MTUS2: variants seen among roughly 807,000 people sequenced by gnomAD.
The protein encoded by MTUS2 is microtubule associated scaffold protein 2.
A neutral mutation model predicts 114.1 loss-of-function variants in MTUS2; 40 were observed. The observed-to-expected ratio is 0.35, with a 90% CI of 0.27 to 0.46. The LOEUF is 0.46. Ranked by LOEUF, MTUS2 falls within the 20% of genes least tolerant of loss-of-function variation. The probability of loss-of-function intolerance (pLI) is 1.00; values close to 1 mark genes in which losing one functional copy is unlikely to be tolerated. For missense variants in MTUS2, 1,679 were observed against 1,705.4 expected (o/e 0.98, Z 0.27); for synonymous variants, 688 against 672.0 (o/e 1.02, Z -0.37).
intron 5 of MTUS2, among the ~76,000 whole-genome samples, chr13:29,195,584 A>C (rs1415555901): frequency 6.7e-6 from 1 of 149,168 alleles, no homozygotes; most frequent in Non-Finnish European, 1.5e-5. Context: ...TCAGTACATC[A>C]CAGTCCTTCC....
intron 2 of MTUS2, among the ~76,000 whole-genome samples, chr13:28,900,913 G>C (rs2137958777): frequency 6.6e-6 from 1 of 152,266 alleles, no homozygotes; most frequent in African/African-American, 2.4e-5. Flanking sequence ...TAAGACTGCA[G>C]TTTCTCAGTA....
At chr13:29,218,164 C>G (rs965723636) in intron 5 of MTUS2, among the ~76,000 whole-genome samples, 2 of 151,978 alleles carry the variant, frequency 1.3e-5, no homozygotes, top group Non-Finnish European at 2.9e-5. Flanking sequence ...AAAAAAACAC[C>G]TAAAAACCCC....
At chr13:29,033,148 G>T (rs1184910368) in intron 3 of MTUS2, among the ~76,000 whole-genome samples, 1 of 152,152 alleles carries the variant, frequency 6.6e-6, no homozygotes, top group African/African-American at 2.4e-5. Flanking sequence ...ATTGACTTTA[G>T]CTATGTGCTA....
In MTUS2 at chr13:28,868,791, A is replaced by G. The variant is rs901172013; in HGVS notation, c.-243+28941A>G. The stretch of plus-strand genomic sequence containing the variant: ...CTATCAGTCCTTTAGAAATGGAATA[A>G]ATTCAGTTTTATATAAGGTCCCTAT... On this transcript the variant is annotated intron_variant, in intron 2 of 15. Transcript: ENST00000612955. 3.3e-5 allele frequency among the ~76,000 whole-genome samples: 5 copies of G among 152,338 alleles called. 1 individual carries two copies. In the South Asian group the frequency reaches 8.3e-4, roughly 25 times the overall value.
chr13:29,485,264 G>C (rs1282018100), intron 10 of MTUS2: 1 of 152,688 alleles, frequency 6.5e-6, no homozygotes, highest in Non-Finnish European at 1.5e-5. Flanking sequence ...GGTCCTCTCA[G>C]GCTGGGAATT....
intron 8 of MTUS2, among the ~76,000 whole-genome samples, chr13:29,422,393 G>A (rs1040263237): frequency 1.2e-4 from 18 of 151,814 alleles, no homozygotes; most frequent in Admixed American, 3.9e-4. Flanking sequence ...TGCACAAGCC[G>A]TTAAGCACAG....
chr13:29,464,627 G>A (rs1308489548), intron 9 of MTUS2, among the ~76,000 whole-genome samples: 1 of 152,158 alleles, frequency 6.6e-6, no homozygotes, highest in African/African-American at 2.4e-5. Context: ...GGGCAGCAGC[G>A]TTACTATACC....
chr13:28,882,734 C>T (rs1172388248), intron 2 of MTUS2, among the ~76,000 whole-genome samples: 1 of 152,002 alleles, frequency 6.6e-6, no homozygotes, highest in Non-Finnish European at 1.5e-5. Context: ...GAGATCCTGT[C>T]TCTAAAAAAT....
chr13:29,367,772 A>G (rs1377250187), intron 8 of MTUS2, among the ~76,000 whole-genome samples: 4 of 152,002 alleles, frequency 2.6e-5, no homozygotes, highest in African/African-American at 9.7e-5. Context: ...GAACCTAGGA[A>G]TTATGTGCAT....
chr13:29,054,176 C>A (rs887448651), intron 4 of MTUS2, among the ~76,000 whole-genome samples: 2 of 152,088 alleles, frequency 1.3e-5, no homozygotes, highest in Non-Finnish European at 2.9e-5. Flanking sequence ...TGATGTTGAA[C>A]AGCTTTTTTT....
intron 4 of MTUS2, among the ~76,000 whole-genome samples, chr13:29,050,349 C>T (rs1412482208): frequency 6.6e-6 from 1 of 152,110 alleles, no homozygotes; most frequent in African/African-American, 2.4e-5. Flanking sequence ...TCAACAGAGA[C>T]ATTTAAGAAG....
At chr13:28,838,102 G>C (rs1336376530) in intron 1 of MTUS2, among the ~76,000 whole-genome samples, 1 of 152,182 alleles carries the variant, frequency 6.6e-6, no homozygotes, top group Non-Finnish European at 1.5e-5. Flanking sequence ...TAGGGAAAGA[G>C]AAATGGGTGG....
At chr13:28,898,215 C>G (rs570483933) in intron 2 of MTUS2, among the ~76,000 whole-genome samples, 1 of 152,252 alleles carries the variant, frequency 6.6e-6, no homozygotes, top group Admixed American at 6.5e-5. Context: ...GACAGAAGAG[C>G]TTTAAACCAA....
At chr13:28,982,923 C>G (rs1884423662) in intron 2 of MTUS2, among the ~76,000 whole-genome samples, 1 of 152,040 alleles carries the variant, frequency 6.6e-6, no homozygotes, top group Non-Finnish European at 1.5e-5. Context: ...TTTAATTTTG[C>G]AAGGTGAAAA....
chr13:29,028,423 C>T (rs749331426), intron 3 of MTUS2, among the ~76,000 whole-genome samples: 4 of 152,098 alleles, frequency 2.6e-5, no homozygotes, highest in Admixed American at 6.5e-5. Context: ...GGAACACAAG[C>T]TGGAGCCTGT....
rs145315381 is a variant in MTUS2 at position 29,391,738 on chromosome 13, A to C, written c.3117+32265A>C. 6.1e-3 allele frequency among the ~76,000 whole-genome samples: 929 copies of C among 152,266 alleles called. 7 individuals carry two copies. Among genetic ancestry groups the C allele is most frequent in the African/African-American group, 0.021 (885 of 41,540 alleles). On this transcript the variant is annotated intron_variant, in intron 8 of 15. Coordinates refer to ENST00000612955, the MANE Select transcript of MTUS2 (RefSeq NM_001033602.4). ...AAACTAAACATAAATACACAACAAAAGCTACGATTAAAAGCTACGATTTTA... is the reference window on the plus strand; with the variant it reads ...AAACTAAACATAAATACACAACAAACGCTACGATTAAAAGCTACGATTTTA...
chr13:28,824,812 C>T (rs2137926548), intron 1 of MTUS2, among the ~76,000 whole-genome samples: 1 of 152,206 alleles, frequency 6.6e-6, no homozygotes, highest in South Asian at 2.1e-4. Flanking sequence ...TGGAATGAAT[C>T]AGATGAGGTT....
At chr13:29,267,213 A>T (rs1266962501) in intron 5 of MTUS2, among the ~76,000 whole-genome samples, 2 of 152,202 alleles carry the variant, frequency 1.3e-5, no homozygotes, top group Non-Finnish European at 2.9e-5. Context: ...AATGATTCTG[A>T]TGCTTTGTTT....
intron 8 of MTUS2, among the ~76,000 whole-genome samples, chr13:29,436,775 T>G (rs1245353008): frequency 6.6e-6 from 1 of 151,818 alleles, no homozygotes; most frequent in Non-Finnish European, 1.5e-5. Context: ...TTCCACTTCC[T>G]TGCCTCTCTC....
Sources: gnomAD v4.1 joint callset for allele counts (sites outside exome capture counted in the v4.1 genomes callset) on GRCh38, gnomAD v4.1.1 for gene constraint, MANE v1.5 for transcripts, NCBI Gene and HGNC (gene_info 2026-07-23, HGNC 2026-07-21) for gene names.